TYSND1: variants seen among roughly 807,000 people sequenced by gnomAD.
The protein encoded by TYSND1 is trypsin like peroxisomal matrix peptidase 1.
A neutral mutation model predicts 37.2 loss-of-function variants in TYSND1; 30 were observed. The ratio of observed to expected loss-of-function variants is 0.81; its 90% CI spans 0.60 to 1.09. The LOEUF is 1.09. Ranked by LOEUF, TYSND1 falls within the 50% of genes least tolerant of loss-of-function variation. TYSND1 has a pLI of 0.00. For synonymous variants in TYSND1, 364 were observed against 383.8 expected (o/e 0.95, Z 0.60); for missense variants, 806 against 817.4 (o/e 0.99, Z 0.17).
Position 70,146,475 on chromosome 10 carries a change from T to C in TYSND1, c.112A>G (p.Ile38Val), listed in dbSNP as rs1312787487. The C allele has an allele frequency of 1.9e-6, 3 of 1,602,186 alleles. No individual in the cohort carries two copies. Among genetic ancestry groups the C allele is most frequent in the South Asian group, 1.1e-5 (1 of 90,346 alleles). Residue 38 changes from isoleucine (I) to valine (V), a missense_variant, in exon 1 of 4, where the codon ATC (isoleucine) becomes GTC (valine). By Grantham distance (29) the Ile-to-Val change is conservative. Transcript: ENST00000287078. ...ACCAGGCCCGGGCTACGGCTCAGGA[T>C]TACCCCGCTGCAGCTCCACGGGCCC... ...EAGPWSCSGV[I>V]LSRSPGLVLC...
chr10:70,145,653 G>C lies in TYSND1; in HGVS notation c.934C>G (p.Arg312Gly), dbSNP rs767326563. 3.9e-5 allele frequency: 54 copies of C among 1,395,400 alleles called. No individual in the cohort carries two copies. Among genetic ancestry groups the C allele is most frequent in the Non-Finnish European group, 5.0e-5 (54 of 1,084,494 alleles). The allele number at this position is 1,395,400 out of a possible 1,614,324, so 86.4% of individuals were successfully genotyped here. ...AGGGCAGCGGTGCTGTGCGGCAGGC[G>C]GTGAAGCGCGTCGCGGGCGGCGCGG... ...LFRAARDALH[R>G]LPHSTAALAA... The change falls in exon 1 of 4, where the codon CGC becomes GGC. Residue 312 changes from arginine to glycine, a missense_variant. Transcript: ENST00000287078.
chr10:70,140,490 C>T (rs6480442), intron 3 of TYSND1, among the ~76,000 whole-genome samples: 50,864 of 151,648 alleles, frequency 0.34, 9,067 homozygotes, highest in Non-Finnish European at 0.37. Context: ...CAAGTAGGCG[C>T]GCAACAAAGG....
At position 70,139,802 on chromosome 10, in the gene TYSND1, G is replaced by T; in HGVS notation, c.*122C>A. Reference sequence around the variant, plus strand: ...GCCCAGTCTGCAGTCAGTGGGTGGAGATGAGAGGCAGCCTGGGCCCCTGCA... The same window carrying T: ...GCCCAGTCTGCAGTCAGTGGGTGGATATGAGAGGCAGCCTGGGCCCCTGCA... On this transcript the variant is annotated 3_prime_UTR_variant, in exon 4 of 4. Transcript: ENST00000287078. 1.1e-6 allele frequency: 1 copy of T among 949,750 alleles called. No homozygotes were observed. The highest frequency in any genetic ancestry group is 1.6e-6 in the Non-Finnish European group (1 of 640,206). The allele number at this position is 949,750 out of a possible 1,614,324, so 58.8% of individuals were successfully genotyped here.
chr10:70,144,391 T>A (rs2072841716), intron 1 of TYSND1: 4 of 929,180 alleles, frequency 4.3e-6, no homozygotes, highest in Non-Finnish European at 5.2e-6. Flanking sequence ...ACACAACACT[T>A]TCCTTCACTG....
At chr10:70,144,895 C>G in intron 1 of TYSND1, 2 of 518,810 alleles carry the variant, frequency 3.9e-6, no homozygotes, top group Non-Finnish European at 5.0e-6. Flanking sequence ...GTGGGCCACC[C>G]CCCTACCTTC....
At chr10:70,144,282 T>C (rs2072839365) in intron 1 of TYSND1, 2 of 328,686 alleles carry the variant, frequency 6.1e-6, no homozygotes, top group South Asian at 9.8e-5. Context: ...CCCTATAAAC[T>C]AGGCACTGGC....
intron 3 of TYSND1, among the ~76,000 whole-genome samples, chr10:70,141,490 G>C (rs148012855): frequency 1.3e-5 from 2 of 152,028 alleles, no homozygotes; most frequent in Non-Finnish European, 2.9e-5. Flanking sequence ...ATGACTATTG[G>C]GTTGGTGCAA....
chr10:70,143,950 C>T lies in TYSND1; in HGVS notation c.1189G>A (p.Val397Met). The T allele has an allele frequency of 6.2e-7, 1 of 1,614,224 alleles. No individual in the cohort carries two copies. The highest frequency in any genetic ancestry group is 8.5e-7 in the Non-Finnish European group (1 of 1,180,030). ...TPKSVAIWGR[V>M]VFATQETCPY... Reference sequence around the variant, plus strand: ...CATGTCTCCTGAGTGGCAAATACCACACGGCCCCAGATGGCCACACTCCTG... The same window carrying T: ...CATGTCTCCTGAGTGGCAAATACCATACGGCCCCAGATGGCCACACTCCTG... The change falls in exon 2 of 4, where the codon GTG becomes ATG. Residue 397 changes from valine to methionine, a missense_variant. Coordinates refer to ENST00000287078, the MANE Select transcript of TYSND1 (RefSeq NM_173555.4).
rs751210879 is a variant in TYSND1 at position 70,143,980 on chromosome 10, C to A, written c.1167-8G>T. 1 of 1,614,002 alleles carries A rather than the reference C, an allele frequency of 6.2e-7. No homozygotes were observed. Among genetic ancestry groups the A allele is most frequent in the Non-Finnish European group, 8.5e-7 (1 of 1,179,938 alleles). ...CCCCAGATGGCCACACTCCTGGGAG[C>A]AAGGGAAACAAATGACAGGCTAGCT... On this transcript the variant is annotated splice_polypyrimidine_tract_variant and splice_region_variant and intron_variant, in intron 1 of 3. Coordinates refer to ENST00000287078, the MANE Select transcript of TYSND1 (RefSeq NM_173555.4).
In TYSND1 at chr10:70,145,496, G is replaced by T; in HGVS notation, c.1091C>A (p.Pro364His). Residue 364 changes from proline (P) to histidine (H), a missense_variant, in exon 1 of 4, where the codon CCC (proline) becomes CAC (histidine). By Grantham distance (77) the Pro-to-His change is moderately conservative (BLOSUM62 -2). Coordinates refer to ENST00000287078, the MANE Select transcript of TYSND1 (RefSeq NM_173555.4). ...TVWGSGVAVAPRLVVTCRHVS... is the reference protein window; with the variant it reads ...TVWGSGVAVAHRLVVTCRHVS... ...GTGCCGACAGGTCACTACAAGGCGG[G>T]GTGCCACAGCCACTCCGGAGCCCCA... The T allele has an allele frequency of 1.3e-6, 2 of 1,529,800 alleles. No individual in the cohort carries two copies. The highest frequency in any genetic ancestry group is 2.6e-5 in the East Asian group (1 of 38,110). 94.8% of individuals were successfully genotyped at this position (1,529,800 alleles called of 1,614,324 possible).
Position 70,143,849 on chromosome 10 carries a change from G to C in TYSND1, c.1290C>G (p.Phe430Leu), listed in dbSNP as rs2072828993. Residue 430 changes from phenylalanine (F) to leucine (L), a missense_variant, in exon 2 of 4, where the codon TTC becomes TTG. Physicochemically the swap from Phe to Leu is conservative, Grantham distance 22 (BLOSUM62 0). This residue lies in a region of TYSND1 where 708 missense variants were observed against 705.4 expected (regional missense o/e 1.00). Transcript: ENST00000287078. ...DVPIPVPAEHFHEGEAVSVVG... is the reference protein window; with the variant it reads ...DVPIPVPAEHLHEGEAVSVVG... ...GCGCCCTTCGTCCTTTACCTTCATGGAAGTGCTCAGCGGGCACAGGGATGG... is the reference window on the plus strand; with the variant it reads ...GCGCCCTTCGTCCTTTACCTTCATGCAAGTGCTCAGCGGGCACAGGGATGG... The C allele has an allele frequency of 1.9e-6, 3 of 1,614,144 alleles. No homozygotes were observed. Among genetic ancestry groups the C allele is most frequent in the Non-Finnish European group, 2.5e-6 (3 of 1,180,008 alleles).
At position 70,142,805 on chromosome 10, in the gene TYSND1, C is replaced by T. The variant is rs778572685; in HGVS notation, c.1346G>A (p.Gly449Glu). The T allele has an allele frequency of 6.2e-7, 1 of 1,614,080 alleles. No individual in the cohort carries two copies. Among genetic ancestry groups the T allele is most frequent in the Non-Finnish European group, 8.5e-7 (1 of 1,180,014 alleles). ...VGFGVFGQSCGPSVTSGILSA... is the reference protein window; with the variant it reads ...VGFGVFGQSCEPSVTSGILSA... ...AAGGATGCCTGAGGTCACCGAGGGCCCGCAAGACTGGCCAAAGACGCCAAA... is the reference window on the plus strand; with the variant it reads ...AAGGATGCCTGAGGTCACCGAGGGCTCGCAAGACTGGCCAAAGACGCCAAA... The change falls in exon 3 of 4, where the codon GGG becomes GAG. Residue 449 changes from glycine to glutamate, a missense_variant. This residue lies in a region of TYSND1 where 708 missense variants were observed against 705.4 expected (regional missense o/e 1.00). Transcript: ENST00000287078.
At position 70,140,091 on chromosome 10, in the gene TYSND1, G is replaced by T; in HGVS notation, c.1534C>A (p.His512Asn). 1 of 1,613,908 alleles carries T rather than the reference G, an allele frequency of 6.2e-7. No individual in the cohort carries two copies. Among genetic ancestry groups the T allele is most frequent in the Non-Finnish European group, 8.5e-7 (1 of 1,179,806 alleles). The change falls in exon 4 of 4, where the codon CAC becomes AAC. Residue 512 changes from histidine to asparagine, a missense_variant. By Grantham distance (68) the His-to-Asn change is moderately conservative (BLOSUM62 1). Coordinates refer to ENST00000287078, the MANE Select transcript of TYSND1 (RefSeq NM_173555.4). ...GTGATGGGAATGCTGAAGTTCAGGTGGGGGTAGGTGGCCCCCGTATTATTG... is the reference window on the plus strand; with the variant it reads ...GTGATGGGAATGCTGAAGTTCAGGTTGGGGTAGGTGGCCCCCGTATTATTG... ...RDNNTGATYP[H>N]LNFSIPITVL... is the part of the protein sequence containing the mutation.
chr10:70,140,202 G>A, intron 3 of TYSND1, 61 bp from the exon 4 acceptor site: 1 of 1,433,938 alleles, frequency 7.0e-7, no homozygotes, highest in Non-Finnish European at 9.6e-7. Flanking sequence ...GCTGGAGAAG[G>A]GAGGAGGACC....
Position 70,146,328 on chromosome 10 carries a change from A to G in TYSND1, c.259T>C (p.Trp87Arg). 2 of 1,523,678 alleles carry G rather than the reference A, an allele frequency of 1.3e-6. No homozygotes were observed. The highest frequency in any genetic ancestry group is 1.8e-6 in the Non-Finnish European group (2 of 1,142,320). The allele number at this position is 1,523,678 out of a possible 1,614,324, so 94.4% of individuals were successfully genotyped here. ...CRDDLRLHVQ[W>R]APTAAGPGGG... ...CCGGGACCCGCGGCCGTTGGGGCCC[A>G]CTGCACGTGCAGGCGCAGGTCGTCC... The change falls in exon 1 of 4, where the codon TGG (tryptophan) becomes CGG (arginine). Residue 87 changes from tryptophan (W) to arginine (R), a missense_variant. Physicochemically the swap from Trp to Arg is moderately radical, Grantham distance 101 (BLOSUM62 -3). Transcript: ENST00000287078.
In TYSND1 at chr10:70,145,620, G is replaced by C; in HGVS notation, c.967C>G (p.Leu323Val). The part of the protein sequence containing the change: ...LPHSTAALAA[L>V]LPPEVGVPWG... ...GGGACGCCCACCTCTGGCGGCAGAA[G>C]GGCGGCCAGGGCAGCGGTGCTGTGC... Residue 323 changes from leucine to valine, a missense_variant, in exon 1 of 4, where the codon CTT becomes GTT. This residue lies in a region of TYSND1 where 708 missense variants were observed against 705.4 expected (regional missense o/e 1.00). Coordinates refer to ENST00000287078, the MANE Select transcript of TYSND1 (RefSeq NM_173555.4). 1.4e-6 allele frequency: 2 copies of C among 1,431,270 alleles called. No individual in the cohort carries two copies. The highest frequency in any genetic ancestry group is 2.9e-5 in the Admixed American group (1 of 34,146). The allele number at this position is 1,431,270 out of a possible 1,614,324, so 88.7% of individuals were successfully genotyped here.
chr10:70,143,982 A>G lies in TYSND1; in HGVS notation c.1167-10T>C. ...CCAGATGGCCACACTCCTGGGAGCA[A>G]GGGAAACAAATGACAGGCTAGCTTT... On this transcript the variant is annotated splice_polypyrimidine_tract_variant and intron_variant, in intron 1 of 3. Transcript: ENST00000287078. 1 of 1,614,042 alleles carries G rather than the reference A, an allele frequency of 6.2e-7. No individual in the cohort carries two copies. The highest frequency in any genetic ancestry group is 8.5e-7 in the Non-Finnish European group (1 of 1,179,946).
chr10:70,140,254 C>T, intron 3 of TYSND1, 113 bp from the exon 4 acceptor site: 1 of 808,910 alleles, frequency 1.2e-6, no homozygotes, highest in Non-Finnish European at 1.9e-6. Context: ...GGGCTGGATA[C>T]CACCCCACGT....
chr10:70,146,231 G>A lies in TYSND1; in HGVS notation c.356C>T (p.Ala119Val), dbSNP rs767423683. The part of the protein sequence containing the change: ...QCASLEPGPP[A>V]PSRGRPLQPR... ...CTGCAGGGGACGCCCGCGGGACGGG[G>A]CAGGTGGGCCGGGCTCGAGGCTCGC... Residue 119 changes from alanine (A) to valine (V), a missense_variant, in exon 1 of 4, where the codon GCC (alanine) becomes GTC (valine). Physicochemically the swap from Ala to Val is moderately conservative, Grantham distance 64. Coordinates refer to ENST00000287078, the MANE Select transcript of TYSND1 (RefSeq NM_173555.4). 9 of 1,497,342 alleles carry A rather than the reference G, an allele frequency of 6.0e-6. No individual in the cohort carries two copies. The South Asian group carries it at 7.9e-5, about 13-fold the overall frequency. 92.8% of individuals were successfully genotyped at this position (1,497,342 alleles called of 1,614,324 possible). A position where few individuals can be genotyped will look rare whatever the true frequency, so the allele number is the denominator to read the frequency against.
Sources: allele counts gnomAD v4.1 joint callset (sites outside exome capture counted in the v4.1 genomes callset), GRCh38; gene constraint gnomAD v4.1.1; regional missense constraint gnomAD v4.1.1; transcripts MANE v1.5; gene names NCBI Gene and HGNC (gene_info 2026-07-23, HGNC 2026-07-21).